Variants in NAV2 observed in about 807,000 individuals in gnomAD.
NAV2 encodes the protein helicase, APC down-regulated 1.
Under a neutral mutation model 223.2 loss-of-function variants are expected in NAV2, and 54 were observed. The ratio of observed to expected loss-of-function variants is 0.24; its 90% confidence interval spans 0.19 to 0.30. The LOEUF (loss-of-function observed/expected upper bound fraction) is 0.30. Among genes scored for constraint, NAV2 ranks in the 10% least tolerant of loss-of-function variants. NAV2 has a pLI of 1.00. For synonymous variants in NAV2, 1,279 were observed against 1,239.3 expected, an observed-to-expected ratio of 1.03 and a Z score of -0.67; for missense variants, 2,806 against 3,147.5, an observed-to-expected ratio of 0.89 and a Z score of 2.60.
intron 1 of NAV2, chr11:19,714,282 C>T: frequency 1.7e-6 from 1 of 577,716 alleles, no homozygotes; most frequent in Non-Finnish European, 3.3e-6. Context: ...TGAGGTCCTG[C>T]ATGTTGAGGT....
intron 10 of NAV2, among the ~76,000 whole-genome samples, chr11:19,974,201 C>T (rs2049501366): frequency 6.6e-6 from 1 of 152,196 alleles, no homozygotes; most frequent in Non-Finnish European, 1.5e-5. Context: ...CCGCCCAGGT[C>T]TCATGATTTA....
intron 1 of NAV2, among the ~76,000 whole-genome samples, chr11:19,356,522 A>G (rs552711775): frequency 6.6e-6 from 1 of 152,246 alleles, no homozygotes; most frequent in South Asian, 2.1e-4. Context: ...TGACTGTGTT[A>G]TTAGGTAAGC....
chr11:19,445,796 GGGAAGT>G (rs1435747674), intron 1 of NAV2, among the ~76,000 whole-genome samples: 2 of 151,120 alleles, frequency 1.3e-5, no homozygotes, highest in Non-Finnish European at 2.9e-5. Flanking sequence ...GGGAGATGGA[GGGAAGT>G]TACATGTGCC....
At chr11:19,468,603 A>G (rs866081071) in intron 1 of NAV2, among the ~76,000 whole-genome samples, 3 of 152,246 alleles carry the variant, frequency 2.0e-5, no homozygotes, top group South Asian at 4.1e-4. Context: ...AACTAATTAC[A>G]TTTGTAATAA....
intron 1 of NAV2, among the ~76,000 whole-genome samples, chr11:19,403,523 C>A (rs1022569180): frequency 3.3e-5 from 5 of 152,112 alleles, no homozygotes; most frequent in African/African-American, 1.2e-4. Context: ...ACAACTTGTT[C>A]AAAGATAGGG....
rs1347193817 is a variant in NAV2, at chr11:19,803,167, C to T, written c.268-29317C>T. Among the ~76,000 whole-genome samples, 6 of 152,168 alleles carry T rather than the reference C, an allele frequency of 3.9e-5. No individual in the cohort carries two copies. The East Asian group carries it at 1.2e-3, about 29-fold the overall frequency. ...TGCGATGTATTCCCTTCTGTTCATT[C>T]TTGGCACCAAAATATTCCCAGGTGG... is the stretch of plus-strand genomic sequence containing the variant. On this transcript the variant is annotated intron_variant, in intron 1 of 37. Transcript: ENST00000349880.
intron 6 of NAV2, among the ~76,000 whole-genome samples, chr11:19,909,944 T>C (rs1218607369): frequency 1.3e-5 from 2 of 152,048 alleles, no homozygotes; most frequent in African/African-American, 4.8e-5. Context: ...GGTGAGGAAA[T>C]GGACTGTGAA....
At chr11:19,708,064 C>G (rs2049725798), upstream of NAV2, among the ~76,000 whole-genome samples, 2 of 152,132 alleles carry the variant, frequency 1.3e-5, no homozygotes, top group African/African-American at 4.8e-5. Context: ...CCTTTGTTCT[C>G]AGAAAAAAAG....
intron 1 of NAV2, among the ~76,000 whole-genome samples, chr11:19,432,929 C>T (rs1003474794): frequency 1.3e-5 from 2 of 152,130 alleles, no homozygotes; most frequent in East Asian, 3.9e-4. Context: ...TCCAGCTCAC[C>T]CAGAACCACA....
At chr11:20,068,048 C>G in intron 20 of NAV2, 138 bp from the exon 21 acceptor site, 1 of 789,722 alleles carries the variant, frequency 1.3e-6, no homozygotes, top group South Asian at 1.7e-5. Flanking sequence ...ACCAGTTTTT[C>G]CAGAGAAATA....
chr11:19,697,878 C>G (rs921049245), intron 1 of NAV2, among the ~76,000 whole-genome samples: 9 of 152,126 alleles, frequency 5.9e-5, no homozygotes, highest in Non-Finnish European at 1.2e-4. Flanking sequence ...CTCCTTTTTC[C>G]CACTGAACTC....
At chr11:19,928,590 G>C (rs946156387) in intron 6 of NAV2, among the ~76,000 whole-genome samples, 1 of 152,126 alleles carries the variant, frequency 6.6e-6, no homozygotes, top group Non-Finnish European at 1.5e-5. Context: ...CCCCCAAACT[G>C]GTTTTCATAG....
At chr11:19,889,261 T>C (rs898941504) in intron 5 of NAV2, among the ~76,000 whole-genome samples, 10 of 152,184 alleles carry the variant, frequency 6.6e-5, no homozygotes, top group Admixed American at 1.3e-4. Context: ...TGGCCTTTGT[T>C]TGTGAACCAA....
intron 1 of NAV2, among the ~76,000 whole-genome samples, chr11:19,512,169 T>C (rs560652750): frequency 3.5e-4 from 53 of 152,188 alleles, no homozygotes; most frequent in Admixed American, 2.6e-3. Flanking sequence ...GGAGGCTCTG[T>C]TGGGACTCTG....
chr11:19,705,875 A>T (rs1403453527), intron 1 of NAV2, among the ~76,000 whole-genome samples: 1 of 152,082 alleles, frequency 6.6e-6, no homozygotes, highest in South Asian at 2.1e-4. Context: ...AGCCCTTCAT[A>T]TTGAACCGCT....
rs149422281 is a variant in NAV2 at position 19,905,209 on chromosome 11, T to C, written c.931+12615T>C. Among the ~76,000 whole-genome samples the C allele has an allele frequency of 9.8e-4, 149 of 152,292 alleles. 2 individuals are homozygous for C. In the East Asian group the frequency reaches 0.024, roughly 25 times the overall value. On this transcript the variant is annotated intron_variant, in intron 6 of 37. Coordinates refer to ENST00000349880, the MANE Select transcript of NAV2 (RefSeq NM_145117.5). ...TACTCCATTCACATTCTTGAGAAGA[T>C]TTCTCCCTTAACTTCACTTAAATTG...
intron 1 of NAV2, among the ~76,000 whole-genome samples, chr11:19,616,342 GCA>G (rs10597070): frequency 0.9 from 132,246 of 147,348 alleles, 59,674 homozygotes; most frequent in Non-Finnish European, 0.96. Flanking sequence ...GTGTGCGCGC[GCA>G]TGATCTGTGG....
At chr11:20,096,433 G>T (rs11819830) in intron 30 of NAV2, among the ~76,000 whole-genome samples, 2,477 of 152,228 alleles carry the variant, frequency 0.016, 74 homozygotes, top group African/African-American at 0.051. Context: ...AACTATAAGG[G>T]CTCATTAATC....
intron 1 of NAV2, among the ~76,000 whole-genome samples, chr11:19,630,704 TG>T (rs1428562470): frequency 6.6e-6 from 1 of 152,036 alleles, no homozygotes; most frequent in Admixed American, 6.6e-5. Context: ...CTGGGCAACA[TG>T]GTGAGACAAA....
Sources: gnomAD v4.1 joint callset for allele counts (sites outside exome capture counted in the v4.1 genomes callset) on GRCh38, gnomAD v4.1.1 for gene constraint, MANE v1.5 for transcripts, NCBI Gene and HGNC (gene_info 2026-07-23, HGNC 2026-07-21) for gene names.